Variants in EPHA6 observed in about 807,000 individuals in gnomAD.
EPHA6 encodes the protein ephrin type-A receptor 6.
EPHA6 carries 50 observed loss-of-function variants against 112.0 expected under a neutral mutation model. That is an observed-to-expected ratio of 0.45 (90% CI 0.36 to 0.56). EPHA6 has a LOEUF of 0.56. Ranked by LOEUF, EPHA6 falls within the 20% of genes least tolerant of loss-of-function variation. The pLI, the probability that EPHA6 is intolerant of heterozygous loss-of-function variation, is 0.00. For missense variants in EPHA6, 1,280 were observed against 1,417.4 expected, an observed-to-expected ratio of 0.90 and a Z score of 1.56; for synonymous variants, 529 against 490.7, an observed-to-expected ratio of 1.08 and a Z score of -1.03.
chr3:97,101,282 G>A (rs2047396124), intron 3 of EPHA6, among the ~76,000 whole-genome samples: 1 of 151,970 alleles, frequency 6.6e-6, no homozygotes, highest in Admixed American at 6.6e-5. Context: ...ATTTTACAAA[G>A]GAAGATTCAG....
intron 3 of EPHA6, among the ~76,000 whole-genome samples, chr3:97,056,677 T>G (rs928958): frequency 6.6e-6 from 1 of 151,976 alleles, no homozygotes; most frequent in Non-Finnish European, 1.5e-5. Context: ...GTAGTGCATA[T>G]GAATATAAAA....
chr3:96,973,747 AC>A (rs2042404433), intron 2 of EPHA6, among the ~76,000 whole-genome samples: 1 of 147,978 alleles, frequency 6.8e-6, no homozygotes, highest in South Asian at 2.1e-4. Flanking sequence ...AATTGCCTGA[AC>A]CCGGGCGTGG....
chr3:96,933,305 A>T (rs2040425204), intron 2 of EPHA6, among the ~76,000 whole-genome samples: 1 of 152,180 alleles, frequency 6.6e-6, no homozygotes, highest in Non-Finnish European at 1.5e-5. Context: ...ATTTTTAAAA[A>T]TGAGGTCCTG....
intron 3 of EPHA6, among the ~76,000 whole-genome samples, chr3:97,081,852 T>C (rs1452443348): frequency 6.6e-6 from 1 of 151,458 alleles, no homozygotes; most frequent in Non-Finnish European, 1.5e-5. Flanking sequence ...TAGAAAATGC[T>C]GATTATATTT....
intron 12 of EPHA6, among the ~76,000 whole-genome samples, chr3:97,596,896 A>ATATATATATATATG (rs1315012121): frequency 7.1e-6 from 1 of 140,202 alleles, no homozygotes; most frequent in African/African-American, 2.8e-5. Flanking sequence ...ATATATATAT[A>ATATATATATATATG]TATATATATG....
At chr3:97,348,045 C>T (rs912373620) in intron 5 of EPHA6, among the ~76,000 whole-genome samples, 3 of 151,872 alleles carry the variant, frequency 2.0e-5, no homozygotes, top group African/African-American at 7.3e-5. Flanking sequence ...TTTTGGCAAC[C>T]CTCTTTTTGT....
At chr3:97,387,663 C>T (rs773466047) in intron 5 of EPHA6, among the ~76,000 whole-genome samples, 3 of 152,146 alleles carry the variant, frequency 2.0e-5, no homozygotes, top group African/African-American at 7.2e-5. Context: ...CTGTTTTCTT[C>T]TGAGCCCTCT....
intron 2 of EPHA6, among the ~76,000 whole-genome samples, chr3:96,976,128 A>T (rs1452001911): frequency 6.6e-6 from 1 of 152,164 alleles, no homozygotes; most frequent in Non-Finnish European, 1.5e-5. Flanking sequence ...TCACAGTTGG[A>T]TAATAAGTTA....
At chr3:97,227,709 G>T (rs1044701430) in intron 4 of EPHA6, among the ~76,000 whole-genome samples, 5 of 152,160 alleles carry the variant, frequency 3.3e-5, no homozygotes, top group Non-Finnish European at 5.9e-5. Flanking sequence ...GCAGAAACAT[G>T]CACATGGGCA....
intron 11 of EPHA6, among the ~76,000 whole-genome samples, chr3:97,552,363 C>A (rs2093040721): frequency 6.6e-6 from 1 of 152,116 alleles, no homozygotes; most frequent in African/African-American, 2.4e-5. Context: ...ACTTCTTTTC[C>A]TAATTAAGAA....
At chr3:97,100,690 C>T (rs569730528) in intron 3 of EPHA6, among the ~76,000 whole-genome samples, 1 of 151,980 alleles carries the variant, frequency 6.6e-6, no homozygotes, top group East Asian at 1.9e-4. Context: ...AAATATTTTT[C>T]CTTTATTTTA....
chr3:97,477,847 G>A lies in EPHA6; in HGVS notation c.2004-1447G>A, dbSNP rs1191650158. On this transcript the variant is annotated intron_variant, in intron 8 of 17. Transcript: ENST00000389672. ...TTTATTTAGTTTTTAAAGTACAATG[G>A]CATTCCATTGTACTTTAAGGAGCTC... Among the ~76,000 whole-genome samples, 4 of 151,854 alleles carry A rather than the reference G, an allele frequency of 2.6e-5. 1 individual carries two copies. The highest frequency in any genetic ancestry group is 9.7e-5 in the African/African-American group (4 of 41,330).
chr3:96,895,816 A>C (rs2038239860), intron 2 of EPHA6, among the ~76,000 whole-genome samples: 2 of 152,252 alleles, frequency 1.3e-5, no homozygotes, highest in South Asian at 4.1e-4. Flanking sequence ...CCATCTTTAC[A>C]TGTCCATCTT....
chr3:97,222,494 C>A (rs2078237628), intron 3 of EPHA6, among the ~76,000 whole-genome samples: 1 of 152,066 alleles, frequency 6.6e-6, no homozygotes, highest in Non-Finnish European at 1.5e-5. Context: ...GAGTAATATC[C>A]AAGTTCACAT....
intron 3 of EPHA6, among the ~76,000 whole-genome samples, chr3:97,058,454 T>C (rs2045920004): frequency 2.0e-5 from 3 of 151,922 alleles, no homozygotes; most frequent in Admixed American, 6.6e-5. Context: ...GGCACCACCC[T>C]CCGGCCCCAG....
At chr3:97,165,360 A>G (rs6763068) in intron 3 of EPHA6, among the ~76,000 whole-genome samples, 2,005 of 152,266 alleles carry the variant, frequency 0.013, 36 homozygotes, top group African/African-American at 0.046. Context: ...TATATTTTTC[A>G]TAAATTATTA....
intron 2 of EPHA6, among the ~76,000 whole-genome samples, chr3:96,883,929 C>A (rs926217809): frequency 1.3e-5 from 2 of 152,080 alleles, no homozygotes; most frequent in Admixed American, 1.3e-4. Context: ...GCCTTGTCCT[C>A]CCCAAAGTGC....
intron 1 of EPHA6, among the ~76,000 whole-genome samples, chr3:96,834,520 T>C (rs1485264085): frequency 6.6e-6 from 1 of 152,014 alleles, no homozygotes; most frequent in African/African-American, 2.4e-5. Context: ...TGCTCTGAAT[T>C]GCTAAGGGTG....
intron 6 of EPHA6, among the ~76,000 whole-genome samples, chr3:97,434,193 T>G (rs529389090): frequency 6.6e-6 from 1 of 152,270 alleles, no homozygotes; most frequent in African/African-American, 2.4e-5. Flanking sequence ...AGCTGCATTG[T>G]GTAATAAGTA....
Sources: allele counts gnomAD v4.1 joint callset (sites outside exome capture counted in the v4.1 genomes callset), GRCh38; gene constraint gnomAD v4.1.1; transcripts MANE v1.5; gene names NCBI Gene and HGNC (gene_info 2026-07-23, HGNC 2026-07-21).